Variants in COPS9 observed in about 807,000 individuals in gnomAD.
COPS9 encodes the protein COP9 signalosome subunit 9, also known as COP9 signalosome complex subunit 9.
COPS9 carries 8 observed loss-of-function variants against 7.2 expected under a neutral mutation model. The ratio of observed to expected loss-of-function variants is 1.11; its 90% CI spans 0.65 to 2.00. The LOEUF is 2.00. Among genes scored for constraint, COPS9 ranks in the 30% most tolerant of loss-of-function variants. The probability of loss-of-function intolerance (pLI) is 0.00; values close to 1 mark genes in which losing one functional copy is unlikely to be tolerated. For synonymous variants in COPS9, 39 were observed against 28.7 expected, an observed-to-expected ratio of 1.36 and a Z score of -1.14; for missense variants, 74 against 77.7, an observed-to-expected ratio of 0.95 and a Z score of 0.18.
At chr2:240,130,256 G>A (rs1051302047), downstream of COPS9, among the ~76,000 whole-genome samples, 1 of 152,198 alleles carries the variant, frequency 6.6e-6, no homozygotes, top group Non-Finnish European at 1.5e-5. Flanking sequence ...CTGAAAATGG[G>A]AACTGCTGAA....
At chr2:240,129,949 G>A (rs941329012), downstream of COPS9, 18 of 1,613,876 alleles carry the variant, frequency 1.1e-5, no homozygotes, top group East Asian at 4.5e-5. Flanking sequence ...GCCTTCCCAC[G>A]GACCCCGTGC....
chr2:240,126,619 C>T (rs537568768), downstream of COPS9: 69 of 1,614,188 alleles, frequency 4.3e-5, no homozygotes, highest in Non-Finnish European at 4.8e-5. Flanking sequence ...CCACCAGCAA[C>T]GGATGGTGTT....
At chr2:240,126,984 G>T, downstream of COPS9, 1 of 1,591,262 alleles carries the variant, frequency 6.3e-7, no homozygotes, top group Non-Finnish European at 8.5e-7. Flanking sequence ...ACGAGGTCTG[G>T]TAGGTTTGCC....
At position 240,136,290 on chromosome 2, in the gene COPS9, G is replaced by A. The variant is rs767656939; in HGVS notation, c.-6C>T. 4.5e-6 allele frequency: 7 copies of A among 1,562,704 alleles called. No homozygotes were observed. The highest frequency in any genetic ancestry group is 1.8e-5 in the Admixed American group (1 of 54,306). ...TCGTCCACCGCCGGCTTCATCTCGG[G>A]GCCGCGGCGCTCTAGGCTCACTTCC... On this transcript the variant is annotated 5_prime_UTR_variant, in exon 1 of 3. Coordinates refer to ENST00000607357, the MANE Select transcript of COPS9 (RefSeq NM_001163424.2).
intron 1 of COPS9, 152 bp from the exon 2 acceptor site, chr2:240,134,157 A>C: frequency 6.0e-6 from 4 of 662,660 alleles, no homozygotes; most frequent in Non-Finnish European, 1.1e-5. Context: ...CAGACACAGG[A>C]ATGTGTATTG....
downstream of COPS9, among the ~76,000 whole-genome samples, chr2:240,127,225 T>C (rs1223243465): frequency 6.6e-6 from 1 of 151,964 alleles, no homozygotes; most frequent in African/African-American, 2.4e-5. Context: ...AGGAGCTCGC[T>C]GACCCCCACC....
Position 240,134,458 on chromosome 2 carries a change from G to A in COPS9, c.64-453C>T, listed in dbSNP as rs561767733. On this transcript the variant is annotated intron_variant, in intron 1 of 2. Transcript: ENST00000607357. ...TCTGCCTCTGAGGTTCTGGTGCCCCGCTGCTATCATGGACCGTCCACTGCC... is the reference window on the plus strand; with the variant it reads ...TCTGCCTCTGAGGTTCTGGTGCCCCACTGCTATCATGGACCGTCCACTGCC... Among the ~76,000 whole-genome samples the A allele has an allele frequency of 2.8e-3, 430 of 152,214 alleles. 1 individual carries two copies. Among genetic ancestry groups the A allele is most frequent in the African/African-American group, 9.5e-3 (396 of 41,516 alleles).
At chr2:240,126,583 G>A, downstream of COPS9, 2 of 1,613,996 alleles carry the variant, frequency 1.2e-6, no homozygotes, top group Non-Finnish European at 1.7e-6. Context: ...TCTATGCATG[G>A]CTGTGTGGTC....
rs2071990539 is a variant in COPS9, at chr2:240,136,252, C to A, written c.33G>T (p.Glu11Asp). The A allele has an allele frequency of 6.4e-7, 1 of 1,570,170 alleles. No homozygotes were observed. The highest frequency in any genetic ancestry group is 8.6e-7 in the Non-Finnish European group (1 of 1,161,788). MKPAVDEMFP[E>D]GAGPYVDLDE... ...CCAGGTCCACGTAGGGCCCGGCGCC[C>A]TCGGGGAACATCTCGTCCACCGCCG... The change falls in exon 1 of 3, where the codon GAG becomes GAT. Residue 11 changes from glutamate (E) to aspartate (D), a missense_variant. Physicochemically the swap from Glu to Asp is conservative, Grantham distance 45. Coordinates refer to ENST00000607357, the MANE Select transcript of COPS9 (RefSeq NM_001163424.2).
At chr2:240,133,560 G>A (rs763028527) in intron 2 of COPS9, among the ~76,000 whole-genome samples, 10 of 152,220 alleles carry the variant, frequency 6.6e-5, no homozygotes, top group Non-Finnish European at 1.5e-4. Context: ...AAAGGAAACC[G>A]GCTACCCGGA....
In COPS9 at chr2:240,131,051, T is replaced by G. The variant is rs773350804; in HGVS notation, c.174A>C (p.Ter58CysextTer18). 6.2e-7 allele frequency: 1 copy of G among 1,613,024 alleles called. No homozygotes were observed. ...GCCCCGCCTGCAGCCAGAGGGCATC[T>G]CACTGGATGTCATCATCATCAAAAA... is the stretch of plus-strand genomic sequence containing the variant. ...EDLFDDDDIQ[*>C] is the part of the protein sequence containing the mutation. The change falls in exon 3 of 3, where the codon TGA becomes TGC. Residue 58 changes from the stop codon to cysteine, a stop_lost. Coordinates refer to ENST00000607357, the MANE Select transcript of COPS9 (RefSeq NM_001163424.2).
intron 2 of COPS9, among the ~76,000 whole-genome samples, chr2:240,133,516 C>A (rs993903968): frequency 3.9e-5 from 6 of 152,192 alleles, no homozygotes; most frequent in Non-Finnish European, 8.8e-5. Flanking sequence ...GGCATGAGAA[C>A]CCAGGCAGGC....
chr2:240,129,232 C>T (rs929762275), downstream of COPS9, among the ~76,000 whole-genome samples: 1 of 152,210 alleles, frequency 6.6e-6, no homozygotes, highest in African/African-American at 2.4e-5. Flanking sequence ...GTGCAATTAT[C>T]GCTCACTGCA....
At chr2:240,134,035 G>A in intron 1 of COPS9, 30 bp from the exon 2 acceptor site, 1 of 1,611,480 alleles carries the variant, frequency 6.2e-7, no homozygotes, top group African/African-American at 1.3e-5. Context: ...GGTTATGTCA[G>A]GTGCGTTTTC....
In COPS9 at chr2:240,135,260, C is replaced by T. The variant is rs534741322; in HGVS notation, c.63+962G>A. Among the ~76,000 whole-genome samples, 269 of 152,294 alleles carry T rather than the reference C, an allele frequency of 1.8e-3. 1 individual carries two copies. The highest frequency in any genetic ancestry group is 4.3e-3 in the Admixed American group (66 of 15,296). On this transcript the variant is annotated intron_variant, in intron 1 of 2. Coordinates refer to ENST00000607357, the MANE Select transcript of COPS9 (RefSeq NM_001163424.2). ...CCTGCCGGGCCTTCATCCCCCACTA[C>T]CTGGCAAACACCAATGTGTCCCCCA...
chr2:240,130,410 T>C (rs2071910036), downstream of COPS9, among the ~76,000 whole-genome samples: 1 of 152,262 alleles, frequency 6.6e-6, no homozygotes, highest in African/African-American at 2.4e-5. Context: ...ACATGGGCGT[T>C]ACACTCTCCT....
At chr2:240,136,307 C>A (rs554336246), upstream of COPS9, 561 of 1,549,972 alleles carry the variant, frequency 3.6e-4, no homozygotes, top group Non-Finnish European at 4.6e-4. Context: ...GCGCTCTAGG[C>A]TCACTTCCGG....
intron 1 of COPS9, among the ~76,000 whole-genome samples, chr2:240,135,061 G>A (rs1397532901): frequency 2.0e-5 from 3 of 152,078 alleles, no homozygotes; most frequent in African/African-American, 7.2e-5. Context: ...GGAGCGGGGT[G>A]CACAGAGCCA....
intron 2 of COPS9, among the ~76,000 whole-genome samples, chr2:240,131,531 T>C (rs1207754060): frequency 6.6e-6 from 1 of 152,174 alleles, no homozygotes; most frequent in Non-Finnish European, 1.5e-5. Flanking sequence ...CGGCTGCCGC[T>C]GTGAGCATGA....
Sources: gnomAD v4.1 joint callset for allele counts (sites outside exome capture counted in the v4.1 genomes callset) on GRCh38, gnomAD v4.1.1 for gene constraint, MANE v1.5 for transcripts, NCBI Gene and HGNC (gene_info 2026-07-23, HGNC 2026-07-21) for gene names.